RARB: variants seen among roughly 807,000 people sequenced by gnomAD.
RARB encodes retinoic acid receptor beta.
RARB carries 17 observed loss-of-function variants against 51.9 expected under a neutral mutation model. The ratio of observed to expected loss-of-function variants is 0.33; its 90% CI spans 0.22 to 0.49. RARB has a LOEUF of 0.49. Among genes scored for constraint, RARB ranks in the 20% least tolerant of loss-of-function variants. The pLI, the probability that RARB is intolerant of heterozygous loss-of-function variation, is 0.99. For synonymous variants in RARB, 215 were observed against 195.4 expected, an observed-to-expected ratio of 1.10 and a Z score of -0.84; for missense variants, 369 against 550.8, an observed-to-expected ratio of 0.67 and a Z score of 3.30.
At chr3:25,296,847 T>A (rs1337085464) in intron 5 of RARB, among the ~76,000 whole-genome samples, 1 of 152,200 alleles carries the variant, frequency 6.6e-6, no homozygotes, top group African/African-American at 2.4e-5. Flanking sequence ...ACATCTCACT[T>A]GCATGCTATC....
chr3:25,118,785 C>A (rs1699732149), intron 3 of RARB, among the ~76,000 whole-genome samples: 1 of 151,928 alleles, frequency 6.6e-6, no homozygotes. Context: ...AACACAAGAT[C>A]CTCCCCAGAA....
chr3:25,412,379 C>G (rs1347488117), intron 5 of RARB, among the ~76,000 whole-genome samples: 2 of 152,040 alleles, frequency 1.3e-5, no homozygotes, highest in Non-Finnish European at 2.9e-5. Flanking sequence ...CAGTTTCATC[C>G]AAATGCTCTT....
At chr3:25,369,570 C>T (rs887062466) in intron 5 of RARB, among the ~76,000 whole-genome samples, 1 of 152,234 alleles carries the variant, frequency 6.6e-6, no homozygotes, top group African/African-American at 2.4e-5. Flanking sequence ...AGATTTCACT[C>T]CTTTGTATCT....
chr3:25,032,213 A>T (rs1697890802), intron 2 of RARB, among the ~76,000 whole-genome samples: 1 of 152,236 alleles, frequency 6.6e-6, no homozygotes, highest in South Asian at 2.1e-4. Context: ...GGATTATAAA[A>T]GACATCCGCA....
chr3:25,339,221 T>A (rs2125449674), intron 5 of RARB, among the ~76,000 whole-genome samples: 1 of 152,322 alleles, frequency 6.6e-6, no homozygotes, highest in East Asian at 1.9e-4. Flanking sequence ...AAGTTTAGCC[T>A]AAAGCTGCCT....
intron 5 of RARB, among the ~76,000 whole-genome samples, chr3:25,247,931 T>C (rs755082590): frequency 6.6e-6 from 1 of 152,240 alleles, no homozygotes; most frequent in Non-Finnish European, 1.5e-5. Context: ...AGTATTTCTT[T>C]GTTAGTTTTC....
At chr3:25,083,786 T>C (rs561480282) in intron 3 of RARB, among the ~76,000 whole-genome samples, 1 of 152,308 alleles carries the variant, frequency 6.6e-6, no homozygotes, top group Admixed American at 6.5e-5. Flanking sequence ...TTCTGGAGTT[T>C]TATTTGTTTT....
intron 5 of RARB, among the ~76,000 whole-genome samples, chr3:25,282,642 G>A (rs1411146092): frequency 1.3e-5 from 2 of 152,094 alleles, no homozygotes; most frequent in East Asian, 1.9e-4. Context: ...AGTGGATCAC[G>A]CGCTCACAGC....
chr3:25,190,314 C>T (rs987132983), intron 5 of RARB, among the ~76,000 whole-genome samples: 1 of 151,966 alleles, frequency 6.6e-6, no homozygotes, highest in African/African-American at 2.4e-5. Context: ...CAGATACACG[C>T]AACAAAAACA....
intron 2 of RARB, among the ~76,000 whole-genome samples, chr3:24,875,366 C>G (rs1486874551): frequency 6.6e-6 from 1 of 152,114 alleles, no homozygotes; most frequent in Non-Finnish European, 1.5e-5. Flanking sequence ...ATTTAGCATT[C>G]TGGCTCCGGA....
chr3:24,851,499 G>A (rs116238698), intron 1 of RARB, among the ~76,000 whole-genome samples: 4,141 of 151,430 alleles, frequency 0.027, 81 homozygotes, highest in Middle Eastern at 0.06. Flanking sequence ...ATGCGGTTCC[G>A]TCCAGTGACT....
intron 3 of RARB, among the ~76,000 whole-genome samples, chr3:25,527,351 G>A (rs758465877): frequency 1.1e-4 from 16 of 152,214 alleles, no homozygotes; most frequent in South Asian, 4.1e-4. Context: ...TCTGTGACTC[G>A]ATTTCCTCCT....
At chr3:25,516,947 A>G (rs80051246) in intron 3 of RARB, among the ~76,000 whole-genome samples, 5,336 of 152,114 alleles carry the variant, frequency 0.035, 153 homozygotes, top group East Asian at 0.12. Context: ...TTTTATTTTT[A>G]TTTTTTAAAA....
chr3:25,206,968 C>T (rs1575219894), intron 5 of RARB, among the ~76,000 whole-genome samples: 1 of 152,156 alleles, frequency 6.6e-6, no homozygotes, highest in Admixed American at 6.5e-5. Flanking sequence ...AAAGTGGGGA[C>T]TTTGCAGAAT....
chr3:25,318,367 G>C (rs1378360757), intron 5 of RARB, among the ~76,000 whole-genome samples: 1 of 152,168 alleles, frequency 6.6e-6, no homozygotes, highest in Admixed American at 6.6e-5. Context: ...ATGGAATATA[G>C]TGGCTAATGT....
intron 5 of RARB, chr3:25,352,237 A>C (rs568843817): frequency 6.6e-6 from 1 of 152,284 alleles, no homozygotes; most frequent in South Asian, 2.1e-4. Flanking sequence ...CTGAATCCCC[A>C]TCTTTTCTGA....
In RARB at chr3:25,171,440, ATTTTTTTTTT is replaced by A. The variant is rs1157902711; in HGVS notation, c.-279-2667_-279-2658del. Among the ~76,000 whole-genome samples the A allele has an allele frequency of 1.6e-4, 5 of 32,188 alleles. 1 individual carries two copies. The highest frequency in any genetic ancestry group is 2.7e-4 in the Non-Finnish European group (5 of 18,548). The allele number at this position is 32,188 out of a possible 152,430, so 21.1% of individuals were successfully genotyped here. On this transcript the variant is annotated intron_variant, in intron 4 of 11. Coordinates refer to the RARB transcript ENST00000383772. ...ATGTCGGGATTTTCTCGACACATTG[ATTTTTTTTTT>A]TTTTTTTTTTTGCCTATTATCAGTA...
At chr3:25,419,270 C>A (rs527289712) in intron 5 of RARB, among the ~76,000 whole-genome samples, 2 of 152,194 alleles carry the variant, frequency 1.3e-5, no homozygotes, top group Admixed American at 1.3e-4. Flanking sequence ...GGGAGAAGGG[C>A]AAGGGGAAAC....
chr3:25,009,924 T>C (rs1697357894), intron 2 of RARB, among the ~76,000 whole-genome samples: 1 of 152,066 alleles, frequency 6.6e-6, no homozygotes, highest in South Asian at 2.1e-4. Context: ...AGCAGTTCAG[T>C]TCAGGGACAG....
Sources: allele counts gnomAD v4.1 joint callset (sites outside exome capture counted in the v4.1 genomes callset), GRCh38; gene constraint gnomAD v4.1.1; transcripts MANE v1.5; gene names NCBI Gene and HGNC (gene_info 2026-07-23, HGNC 2026-07-21).